MGAM: variants seen among roughly 807,000 people sequenced by gnomAD.
The protein encoded by MGAM is alpha-1,4-glucosidase.
Under a neutral mutation model 358.8 loss-of-function variants are expected in MGAM, and 253 were observed. The ratio of observed to expected loss-of-function variants is 0.71; its 90% CI spans 0.64 to 0.78. MGAM has a LOEUF of 0.78. Among genes scored for constraint, MGAM ranks in the 30% least tolerant of loss-of-function variants. MGAM has a pLI of 0.00. For missense variants in MGAM, 3,080 were observed against 3,432.6 expected (o/e 0.90, Z 2.57); for synonymous variants, 1,105 against 1,227.1 (o/e 0.90, Z 2.08).
chr7:142,103,004 A>G (rs891797754), intron 69 of MGAM, among the ~76,000 whole-genome samples: 3 of 152,200 alleles, frequency 2.0e-5, no homozygotes, highest in Non-Finnish European at 4.4e-5. Flanking sequence ...CCTGTAGAAT[A>G]TAAGTATCTT....
intron 67 of MGAM, 104 bp downstream of exon 67, chr7:142,099,841 C>G: frequency 5.5e-6 from 8 of 1,456,216 alleles, no homozygotes; most frequent in Non-Finnish European, 7.4e-6. Flanking sequence ...ACATGCAATT[C>G]TACTCAACAC....
chr7:142,096,905 C>T (rs931596668), intron 65 of MGAM, among the ~76,000 whole-genome samples: 1 of 148,128 alleles, frequency 6.8e-6, no homozygotes, highest in Non-Finnish European at 1.5e-5. Flanking sequence ...ATTAAAATAC[C>T]AGTTAATTGC....
At chr7:141,994,761 A>G (rs1554778), upstream of MGAM, among the ~76,000 whole-genome samples, 17,504 of 152,122 alleles carry the variant, frequency 0.12, 1,666 homozygotes, top group African/African-American at 0.26. Flanking sequence ...TGGTTTTGCA[A>G]AGCAGTTTTC....
intron 53 of MGAM, among the ~76,000 whole-genome samples, chr7:142,084,282 C>T (rs1814573277): frequency 6.8e-6 from 1 of 146,014 alleles, no homozygotes; most frequent in African/African-American, 2.4e-5. Context: ...CAGTTACCTA[C>T]AGTGTCTCTA....
Position 142,065,958 on chromosome 7 carries a change from G to GTT in MGAM, c.4770+130_4770+131dup, listed in dbSNP as rs1477940566. 30 of 743,258 alleles carry GTT rather than the reference G, an allele frequency of 4.0e-5. No homozygotes were observed. The African/African-American group carries it at 4.5e-4, about 11-fold the overall frequency. The allele number at this position is 743,258 out of a possible 1,614,324, so 46.0% of individuals were successfully genotyped here. ...AAAAAAAGGTGTTTTTTTTTGTTTTGTTTTGTTTTGTTTTTTTTTTTGAAA... is the reference window on the plus strand; with the variant it reads ...AAAAAAAGGTGTTTTTTTTTGTTTTGTTTTTTGTTTTGTTTTTTTTTTTGAAA... On this transcript the variant is annotated intron_variant, in intron 40 of 70. Coordinates refer to ENST00000475668, the MANE Select transcript of MGAM (RefSeq NM_001365693.1).
chr7:142,062,435 A>G, intron 34 of MGAM, 133 bp from the exon 35 acceptor site: 1 of 1,183,724 alleles, frequency 8.4e-7, no homozygotes, highest in Non-Finnish European at 1.2e-6. Flanking sequence ...AGTTAATAAC[A>G]TTATTTAGGC....
In MGAM at chr7:142,080,757, T is replaced by C; in HGVS notation, c.5848-34T>C. 2.0e-6 allele frequency: 3 copies of C among 1,524,604 alleles called. 1 individual carries two copies. The highest frequency in any genetic ancestry group is 2.7e-6 in the Non-Finnish European group (3 of 1,110,394). 94.4% of individuals were successfully genotyped at this position (1,524,604 alleles called of 1,614,324 possible). A position where few individuals can be genotyped will look rare whatever the true frequency, so the allele number is the denominator to read the frequency against. ...CTAAGGGTATAGGTTTCAAGAGTAG[T>C]ATTCTTGCCTAAAATCGTTTTCCTC... On this transcript the variant is annotated intron_variant, in intron 49 of 70. Transcript: ENST00000475668.
intron 21 of MGAM, among the ~76,000 whole-genome samples, chr7:142,044,391 A>C (rs1373889766): frequency 9.6e-6 from 1 of 103,652 alleles, no homozygotes; most frequent in African/African-American, 2.8e-5. Flanking sequence ...TTATATACAC[A>C]TACGATATAT....
At position 142,095,527 on chromosome 7, in the gene MGAM, C is replaced by T. The variant is rs533378542; in HGVS notation, c.7459-38C>T. The T allele has an allele frequency of 8.2e-5, 132 of 1,611,104 alleles. 1 individual carries two copies. The highest frequency in any genetic ancestry group is 7.1e-4 in the African/African-American group (53 of 74,908). Reference sequence around the variant, plus strand: ...ACCTTCTTAAATCCCCTAGAAATTCCAGGGCAAGCTCCCAACACTGTTCTC... The same window carrying T: ...ACCTTCTTAAATCCCCTAGAAATTCTAGGGCAAGCTCCCAACACTGTTCTC... On this transcript the variant is annotated intron_variant, in intron 63 of 70. Transcript: ENST00000475668.
At chr7:142,040,564 AT>A in intron 20 of MGAM, 157 bp from the exon 21 acceptor site, 1 of 949,576 alleles carries the variant, frequency 1.1e-6, no homozygotes, top group Non-Finnish European at 1.6e-6. Flanking sequence ...AGAACATGTT[AT>A]TCTTGATTTT....
intron 8 of MGAM, among the ~76,000 whole-genome samples, chr7:142,025,398 T>C (rs545335575): frequency 6.8e-4 from 104 of 152,244 alleles, no homozygotes; most frequent in African/African-American, 2.4e-3. Context: ...TTTTCTATTA[T>C]CAAGTTAAGG....
intron 26 of MGAM, 118 bp from the exon 27 acceptor site, chr7:142,054,636 C>G (rs1191725221): frequency 1.7e-5 from 19 of 1,128,224 alleles, no homozygotes; most frequent in Non-Finnish European, 2.4e-5. Context: ...TCTCAGATAT[C>G]ATAAAGAAGA....
At chr7:142,062,545 G>T (rs771272691) in intron 34 of MGAM, 23 bp from the exon 35 acceptor site, 29 of 1,527,916 alleles carry the variant, frequency 1.9e-5, no homozygotes, top group Non-Finnish European at 2.2e-5. Context: ...GTGGGACAAA[G>T]AAATTATATT....
intron 2 of MGAM, 121 bp downstream of exon 2, chr7:142,005,778 T>A: frequency 1.1e-6 from 1 of 951,432 alleles, no homozygotes; most frequent in Non-Finnish European, 1.5e-6. Context: ...GGGGCTGTTA[T>A]ATGTGTGTGT....
intron 64 of MGAM, chr7:142,096,054 G>A (rs1012996969): frequency 5.7e-5 from 34 of 595,126 alleles, no homozygotes; most frequent in Non-Finnish European, 8.3e-5. Context: ...GAGGGAAAAG[G>A]GCCATCCTTG....
rs765361066 is a variant in MGAM at position 142,054,904 on chromosome 7, A to G, written c.3310A>G (p.Ile1104Val). 4 of 1,613,594 alleles carry G rather than the reference A, an allele frequency of 2.5e-6. No individual in the cohort carries two copies. Among genetic ancestry groups the G allele is most frequent in the Admixed American group, 3.3e-5 (2 of 59,970 alleles). The change falls in exon 27 of 71, where the codon ATA becomes GTA. Residue 1104 changes from isoleucine to valine, a missense_variant. Physicochemically the swap from Ile to Val is conservative, Grantham distance 29. Around this residue, in one of 5 missense-constraint regions of MGAM, gnomAD observed 1,816 missense variants for 1,840.5 expected, o/e 0.99. Transcript: ENST00000475668. The part of the protein sequence containing the change: ...IEIRRKSTGT[I>V]IWDSQLLGFT... ...AATTCGCCGGAAGAGTACAGGCACT[A>G]TAATGTGAGTGGCTTCTAGTGTGAC... is the stretch of plus-strand genomic sequence containing the variant.
At chr7:142,055,180 T>G (rs1811383307) in intron 27 of MGAM, among the ~76,000 whole-genome samples, 1 of 152,140 alleles carries the variant, frequency 6.6e-6, no homozygotes, top group Non-Finnish European at 1.5e-5. Flanking sequence ...ACAGCTGAGG[T>G]TTCTCTTCTC....
upstream of MGAM, among the ~76,000 whole-genome samples, chr7:141,991,525 C>T (rs1554447320): frequency 6.6e-6 from 1 of 151,954 alleles, no homozygotes; most frequent in African/African-American, 2.4e-5. Context: ...CACCCTCCGC[C>T]TCCCAGGTTC....
Position 142,058,358 on chromosome 7 carries a change from C to G in MGAM, c.3819+30C>G, listed in dbSNP as rs2961077. On this transcript the variant is annotated intron_variant, in intron 31 of 70. Coordinates refer to ENST00000475668, the MANE Select transcript of MGAM (RefSeq NM_001365693.1). ...GTTCTCAGTCATGGCTCTGGAGTTT[C>G]AAAACTAACCCAGGTGCCTCTGTGT... The G allele has an allele frequency of 5.3e-4, 848 of 1,612,512 alleles. 3 individuals are homozygous for G. The highest frequency in any genetic ancestry group is 1.2e-3 in the South Asian group (110 of 90,922).
Sources: gnomAD v4.1 joint callset for allele counts (sites outside exome capture counted in the v4.1 genomes callset) on GRCh38, gnomAD v4.1.1 for gene constraint, gnomAD v4.1.1 regional missense constraint, MANE v1.5 for transcripts, NCBI Gene and HGNC (gene_info 2026-07-23, HGNC 2026-07-21) for gene names.